The following CUEDC1 variants were observed in gnomAD, a reference collection of about 807,000 sequenced individuals.
CUEDC1 encodes the protein CUE domain containing 1.
CUEDC1 carries 30 observed loss-of-function variants against 43.7 expected under a neutral mutation model. That is an observed-to-expected ratio of 0.69 (90% CI 0.51 to 0.93). CUEDC1 has a LOEUF of 0.93. Among genes scored for constraint, CUEDC1 ranks in the 40% least tolerant of loss-of-function variants. The probability of loss-of-function intolerance (pLI) is 0.00; values close to 1 mark genes in which losing one functional copy is unlikely to be tolerated. For missense variants in CUEDC1, 486 were observed against 549.0 expected (o/e 0.89, Z 1.15); for synonymous variants, 223 against 223.6 (o/e 1.00, Z 0.02).
intron 1 of CUEDC1, among the ~76,000 whole-genome samples, chr17:57,901,439 C>A (rs1372123864): frequency 2.0e-5 from 3 of 152,246 alleles, no homozygotes; most frequent in Admixed American, 6.5e-5. Flanking sequence ...AGGCCCTAAA[C>A]AGATGGCTTT....
intron 1 of CUEDC1, among the ~76,000 whole-genome samples, chr17:57,932,862 T>TA (rs774925074): frequency 0.035 from 4,971 of 141,760 alleles, 99 homozygotes; most frequent in African/African-American, 0.041. Context: ...AACTCTGTCT[T>TA]AAAAAAAAAA....
At chr17:57,936,604 G>A (rs2074863719) in intron 1 of CUEDC1, among the ~76,000 whole-genome samples, 1 of 152,206 alleles carries the variant, frequency 6.6e-6, no homozygotes, top group African/African-American at 2.4e-5. Flanking sequence ...AGGCAGTGCT[G>A]GCTCCAGGGC....
At chr17:57,896,485 G>A (rs963133212) in intron 1 of CUEDC1, among the ~76,000 whole-genome samples, 2 of 32,806 alleles carry the variant, frequency 6.1e-5, no homozygotes, top group African/African-American at 2.3e-4. Context: ...AGTGCATTAT[G>A]GGGTGTGTGT....
intron 1 of CUEDC1, among the ~76,000 whole-genome samples, chr17:57,901,162 A>C (rs956034208): frequency 3.3e-5 from 5 of 152,162 alleles, no homozygotes; most frequent in Admixed American, 2.6e-4. Context: ...TAGCCAAGTG[A>C]CCTCGGACAC....
intron 1 of CUEDC1, among the ~76,000 whole-genome samples, chr17:57,901,372 A>G (rs2074470181): frequency 1.3e-5 from 2 of 152,330 alleles, no homozygotes; most frequent in Middle Eastern, 3.4e-3. Flanking sequence ...CTCATGACAT[A>G]AAGTTCCTGT....
intron 1 of CUEDC1, among the ~76,000 whole-genome samples, chr17:57,926,519 A>C (rs900320276): frequency 6.6e-6 from 1 of 152,136 alleles, no homozygotes; most frequent in Admixed American, 6.6e-5. Flanking sequence ...GGCCGGGTGC[A>C]GTGGCTCACA....
intron 1 of CUEDC1, among the ~76,000 whole-genome samples, chr17:57,896,664 T>C (rs1431183098): frequency 6.6e-6 from 1 of 152,126 alleles, no homozygotes; most frequent in Non-Finnish European, 1.5e-5. Flanking sequence ...GATACTCATT[T>C]ATTAATTTAA....
chr17:57,904,950 G>A (rs952215699), intron 1 of CUEDC1, among the ~76,000 whole-genome samples: 2 of 152,200 alleles, frequency 1.3e-5, no homozygotes, highest in African/African-American at 2.4e-5. Flanking sequence ...TCGGGGACAG[G>A]AAGCAATAAA....
chr17:57,954,308 C>G lies in CUEDC1; in HGVS notation c.-316+917G>C, dbSNP rs192277019. 6.6e-6 allele frequency among the ~76,000 whole-genome samples: 1 copy of G among 152,154 alleles called. No homozygotes were observed. Among genetic ancestry groups the G allele is most frequent in the Non-Finnish European group, 1.5e-5 (1 of 68,032 alleles). ...CTCCAGGGCATCTTGTTTCTAAACTCCCAGGGAGTCCCCTCATCTTCTACT... is the reference window on the plus strand; with the variant it reads ...CTCCAGGGCATCTTGTTTCTAAACTGCCAGGGAGTCCCCTCATCTTCTACT... On this transcript the variant is annotated intron_variant, in intron 1 of 10. Coordinates refer to ENST00000577830, the MANE Select transcript of CUEDC1 (RefSeq NM_001271875.2). This position sits in a 1 kb window ranked among gnomAD's most constrained non-coding sequence, Gnocchi z 4.3.
chr17:57,904,995 T>C (rs1398809922), intron 1 of CUEDC1, among the ~76,000 whole-genome samples: 1 of 152,148 alleles, frequency 6.6e-6, no homozygotes, highest in Non-Finnish European at 1.5e-5. Context: ...GGGCTGATTA[T>C]ACAGTTTACG....
chr17:57,897,321 A>C (rs1430395131), intron 1 of CUEDC1, among the ~76,000 whole-genome samples: 1 of 152,210 alleles, frequency 6.6e-6, no homozygotes, highest in African/African-American at 2.4e-5. Flanking sequence ...GAATCCAAAC[A>C]GTCTGGCCCC....
chr17:57,920,625 T>G (rs891752395), intron 1 of CUEDC1, among the ~76,000 whole-genome samples: 1 of 124,508 alleles, frequency 8.0e-6, no homozygotes, highest in Non-Finnish European at 1.6e-5. Flanking sequence ...AATTTTCTTT[T>G]TCTTTTCTTT....
chr17:57,883,159 G>A (rs2074239161), intron 2 of CUEDC1, among the ~76,000 whole-genome samples: 1 of 152,154 alleles, frequency 6.6e-6, no homozygotes, highest in East Asian at 1.9e-4. Context: ...CCCAAGGAGA[G>A]AGACAATAGA....
intron 2 of CUEDC1, among the ~76,000 whole-genome samples, chr17:57,880,285 A>T (rs9902152): frequency 2.0e-4 from 30 of 152,292 alleles, no homozygotes; most frequent in African/African-American, 7.0e-4. Context: ...CTCTGATCTC[A>T]TCTTAACCTC....
intron 1 of CUEDC1, among the ~76,000 whole-genome samples, chr17:57,950,904 G>A (rs2075000513): frequency 6.6e-6 from 1 of 152,100 alleles, no homozygotes; most frequent in Non-Finnish European, 1.5e-5. Flanking sequence ...CTTCTCACTG[G>A]TTATGCCTCC....
intron 1 of CUEDC1, among the ~76,000 whole-genome samples, chr17:57,929,232 T>C (rs2074779718): frequency 6.6e-6 from 1 of 152,158 alleles, no homozygotes; most frequent in Non-Finnish European, 1.5e-5. Context: ...ACTTATCTCA[T>C]TTAATCCTCA....
At chr17:57,888,767 C>T (rs1196025557) in intron 1 of CUEDC1, among the ~76,000 whole-genome samples, 1 of 152,252 alleles carries the variant, frequency 6.6e-6, no homozygotes, top group Admixed American at 6.5e-5. Context: ...GTCTGCTGTC[C>T]TAGTGTCATC....
intron 1 of CUEDC1, among the ~76,000 whole-genome samples, chr17:57,905,366 C>T (rs992235703): frequency 2.0e-5 from 3 of 152,028 alleles, no homozygotes; most frequent in Non-Finnish European, 2.9e-5. Flanking sequence ...TGCCTGGCTG[C>T]GCGCTGCCTG....
intron 10 of CUEDC1, among the ~76,000 whole-genome samples, chr17:57,864,013 A>G (rs1262730288): frequency 2.0e-5 from 3 of 151,528 alleles, no homozygotes; most frequent in African/African-American, 7.3e-5. Flanking sequence ...AAAAAAAAAA[A>G]AAAAGAAAGA....
Sources: allele counts gnomAD v4.1 joint callset (sites outside exome capture counted in the v4.1 genomes callset), GRCh38; gene constraint gnomAD v4.1.1; non-coding constraint Gnocchi (gnomAD v3.1); transcripts MANE v1.5; gene names NCBI Gene and HGNC (gene_info 2026-07-23, HGNC 2026-07-21).